NPAS3: variants seen among roughly 807,000 people sequenced by gnomAD.
The protein encoded by NPAS3 is neuronal PAS domain-containing protein 3.
Under a neutral mutation model 73.1 loss-of-function variants are expected in NPAS3, and 14 were observed. The observed-to-expected ratio is 0.19, with a 90% confidence interval of 0.13 to 0.30. NPAS3 has a LOEUF of 0.30. Among genes scored for constraint, NPAS3 ranks in the 10% least tolerant of loss-of-function variants. NPAS3 has a pLI of 1.00. For synonymous variants in NPAS3, 620 were observed against 541.5 expected (o/e 1.14, Z -2.01); for missense variants, 1,096 against 1,250.0 (o/e 0.88, Z 1.86).
chr14:33,344,973 G>T (rs2044661475), intron 3 of NPAS3, among the ~76,000 whole-genome samples: 1 of 152,172 alleles, frequency 6.6e-6, no homozygotes, highest in Admixed American at 6.5e-5. Context: ...CAAGTGCAAG[G>T]ATAGTGAAGG....
chr14:33,659,952 G>A (rs1367257055), intron 5 of NPAS3, among the ~76,000 whole-genome samples: 1 of 152,124 alleles, frequency 6.6e-6, no homozygotes, highest in Non-Finnish European at 1.5e-5. Context: ...CATTTTGCAT[G>A]AAGAATATGT....
intron 7 of NPAS3, among the ~76,000 whole-genome samples, chr14:33,769,756 C>CTTTTTTTTTTTTTTTTTTTT (rs916953785): frequency 4.9e-5 from 4 of 81,882 alleles, no homozygotes; most frequent in East Asian, 4.0e-4. Context: ...TTTTTTTTTT[C>CTTTTTTTTTTTTTTTTTTTT]TTTTTTTTTT....
chr14:33,295,454 A>G (rs1025982638), intron 3 of NPAS3, among the ~76,000 whole-genome samples: 52 of 152,160 alleles, frequency 3.4e-4, no homozygotes, highest in African/African-American at 1.2e-3. Context: ...TCAGCCTTCT[A>G]GATACTACTC....
intron 7 of NPAS3, among the ~76,000 whole-genome samples, chr14:33,747,775 C>A (rs569413977): frequency 6.6e-6 from 1 of 152,278 alleles, no homozygotes; most frequent in African/African-American, 2.4e-5. Flanking sequence ...TTTACATATC[C>A]CTTCTATCAG....
chr14:33,479,142 T>C (rs933642823), intron 4 of NPAS3, among the ~76,000 whole-genome samples: 1 of 152,172 alleles, frequency 6.6e-6, no homozygotes. Context: ...CCAATGCGCT[T>C]TAATATTTCT....
At chr14:33,538,106 G>A (rs1394790984) in intron 4 of NPAS3, among the ~76,000 whole-genome samples, 1 of 152,054 alleles carries the variant, frequency 6.6e-6, no homozygotes, top group Non-Finnish European at 1.5e-5. Flanking sequence ...TGTCATTTTG[G>A]CCAACCAAAA....
At chr14:33,262,665 A>G (rs1039529414) in intron 3 of NPAS3, among the ~76,000 whole-genome samples, 11 of 152,200 alleles carry the variant, frequency 7.2e-5, no homozygotes, top group Non-Finnish European at 1.5e-4. Context: ...CTTTTAATTT[A>G]TAAAGGAAAT....
chr14:33,070,142 C>A (rs1246544856), intron 2 of NPAS3, among the ~76,000 whole-genome samples: 1 of 152,054 alleles, frequency 6.6e-6, no homozygotes, highest in African/African-American at 2.4e-5. Context: ...ACTCCTAGTA[C>A]ATAAAAGCAA....
At chr14:33,371,436 A>T (rs993847411) in intron 4 of NPAS3, among the ~76,000 whole-genome samples, 1 of 152,178 alleles carries the variant, frequency 6.6e-6, no homozygotes, top group Non-Finnish European at 1.5e-5. Context: ...TATGGGATCA[A>T]GCATTTTGTG....
intron 9 of NPAS3, among the ~76,000 whole-genome samples, chr14:33,784,394 G>C (rs1356718891): frequency 6.6e-6 from 1 of 152,192 alleles, no homozygotes; most frequent in Admixed American, 6.5e-5. Flanking sequence ...AGTATGAAAT[G>C]AGGTCTGTTA....
chr14:33,410,266 C>T (rs936839733), intron 4 of NPAS3, among the ~76,000 whole-genome samples: 2 of 152,080 alleles, frequency 1.3e-5, no homozygotes, highest in African/African-American at 4.8e-5. Context: ...TTTCTGGAGG[C>T]TTAGATGGAA....
At chr14:33,075,361 T>G (rs1474858233) in intron 2 of NPAS3, among the ~76,000 whole-genome samples, 1 of 152,228 alleles carries the variant, frequency 6.6e-6, no homozygotes, top group Non-Finnish European at 1.5e-5. Flanking sequence ...CTTGCATCAT[T>G]TAAAAACGTT....
intron 3 of NPAS3, among the ~76,000 whole-genome samples, chr14:33,359,658 T>C (rs1443930230): frequency 6.6e-6 from 1 of 152,222 alleles, no homozygotes; most frequent in East Asian, 1.9e-4. Flanking sequence ...ATTAAAAATT[T>C]AACTGCTCAA....
intron 4 of NPAS3, among the ~76,000 whole-genome samples, chr14:33,482,512 G>A (rs747444799): frequency 2.0e-5 from 3 of 152,148 alleles, no homozygotes; most frequent in South Asian, 4.1e-4. Flanking sequence ...AAGTTGAAAC[G>A]TGGTGGAGAT....
chr14:33,401,660 T>C (rs1481600376), intron 4 of NPAS3, among the ~76,000 whole-genome samples: 2 of 152,148 alleles, frequency 1.3e-5, no homozygotes, highest in African/African-American at 4.8e-5. Flanking sequence ...ATAAAAACAC[T>C]GTTAAGTACT....
chr14:33,784,907 C>T (rs1394900001), intron 9 of NPAS3, among the ~76,000 whole-genome samples: 20 of 150,346 alleles, frequency 1.3e-4, no homozygotes, highest in African/African-American at 4.4e-4. Context: ...TGCGCCACCA[C>T]GCCCGGCTAA....
At chr14:33,571,753 T>G (rs2056224384) in intron 5 of NPAS3, among the ~76,000 whole-genome samples, 1 of 152,256 alleles carries the variant, frequency 6.6e-6, no homozygotes, top group Non-Finnish European at 1.5e-5. Context: ...ACAACTTTTA[T>G]GATCAAATAT....
At chr14:33,700,349 C>T (rs1300583405) in intron 6 of NPAS3, among the ~76,000 whole-genome samples, 1 of 152,138 alleles carries the variant, frequency 6.6e-6, no homozygotes, top group African/African-American at 2.4e-5. Flanking sequence ...GATGTCAGTG[C>T]CTCCACCCTC....
intron 4 of NPAS3, among the ~76,000 whole-genome samples, chr14:33,446,655 T>C (rs74042091): frequency 0.13 from 20,127 of 152,236 alleles, 1,668 homozygotes; most frequent in African/African-American, 0.24. Context: ...CTTGGTCTTT[T>C]TCTTTTCTTT....
Sources: gnomAD v4.1 joint callset for allele counts (sites outside exome capture counted in the v4.1 genomes callset) on GRCh38, gnomAD v4.1.1 for gene constraint, MANE v1.5 for transcripts, NCBI Gene and HGNC (gene_info 2026-07-23, HGNC 2026-07-21) for gene names.